The following ARHGAP24 variants were observed in gnomAD, a reference collection of about 807,000 sequenced individuals.
The protein encoded by ARHGAP24 is rho GTPase-activating protein 24.
Under a neutral mutation model 76.4 loss-of-function variants are expected in ARHGAP24, and 50 were observed. The observed-to-expected ratio is 0.65, with a 90% CI of 0.52 to 0.83. The LOEUF is 0.83. Among genes scored for constraint, ARHGAP24 ranks in the 40% least tolerant of loss-of-function variants. ARHGAP24 has a pLI of 0.00. For synonymous variants in ARHGAP24, 345 were observed against 323.3 expected (o/e 1.07, Z -0.72); for missense variants, 930 against 914.2 (o/e 1.02, Z -0.22).
intron 3 of ARHGAP24, among the ~76,000 whole-genome samples, chr4:85,803,244 G>A (rs1728650158): frequency 6.6e-6 from 1 of 152,138 alleles, no homozygotes; most frequent in Non-Finnish European, 1.5e-5. Flanking sequence ...CCATGTGTGA[G>A]AACAAAGACA....
chr4:85,496,431 ATGTT>A (rs1037910967), intron 1 of ARHGAP24, among the ~76,000 whole-genome samples: 5 of 152,374 alleles, frequency 3.3e-5, no homozygotes, highest in African/African-American at 4.8e-5. Flanking sequence ...TATGGTGGGA[ATGTT>A]TGTTTGTTTA....
At chr4:85,475,897 C>T (rs1722578323) in intron 1 of ARHGAP24, among the ~76,000 whole-genome samples, 1 of 151,830 alleles carries the variant, frequency 6.6e-6, no homozygotes. Context: ...AATTCAATTT[C>T]CTCTCTTGGT....
At chr4:85,680,510 C>G (rs1307878584) in intron 2 of ARHGAP24, among the ~76,000 whole-genome samples, 3 of 151,980 alleles carry the variant, frequency 2.0e-5, no homozygotes, top group African/African-American at 7.2e-5. Flanking sequence ...ACCGTGAGAT[C>G]ACAGACCCAG....
intron 1 of ARHGAP24, among the ~76,000 whole-genome samples, chr4:85,505,515 G>A (rs922766863): frequency 6.6e-6 from 1 of 151,858 alleles, no homozygotes; most frequent in Non-Finnish European, 1.5e-5. Flanking sequence ...CATCAAATTG[G>A]CTATTGAAGC....
intron 2 of ARHGAP24, among the ~76,000 whole-genome samples, chr4:85,655,780 T>TAGAG (rs1320106615): frequency 5.8e-5 from 2 of 34,654 alleles, no homozygotes; most frequent in African/African-American, 3.0e-4. Context: ...TATATATATA[T>TAGAG]ATATATATAT....
intron 3 of ARHGAP24, among the ~76,000 whole-genome samples, chr4:85,856,609 T>C (rs1560675434): frequency 6.6e-6 from 1 of 151,682 alleles, no homozygotes; most frequent in Non-Finnish European, 1.5e-5. Flanking sequence ...TAGCTGAGAT[T>C]ACAGGCATGC....
intron 1 of ARHGAP24, among the ~76,000 whole-genome samples, chr4:85,488,188 T>A (rs1160071074): frequency 6.6e-6 from 1 of 151,912 alleles, no homozygotes; most frequent in Non-Finnish European, 1.5e-5. Context: ...GCCACCTTGA[T>A]ATTTTCCACG....
chr4:85,850,815 G>T (rs345338), intron 3 of ARHGAP24, among the ~76,000 whole-genome samples: 1 of 152,210 alleles, frequency 6.6e-6, no homozygotes, highest in Non-Finnish European at 1.5e-5. Context: ...TCTGAGAGAC[G>T]GTTTGTTGTG....
At chr4:85,568,427 G>A (rs1254632929) in intron 1 of ARHGAP24, among the ~76,000 whole-genome samples, 1 of 152,168 alleles carries the variant, frequency 6.6e-6, no homozygotes. Context: ...AGCAAGTTGT[G>A]TAGATTTAAG....
intron 1 of ARHGAP24, among the ~76,000 whole-genome samples, chr4:85,485,836 G>A (rs1723029914): frequency 6.6e-6 from 1 of 151,182 alleles, no homozygotes; most frequent in Non-Finnish European, 1.5e-5. Flanking sequence ...AGGTTGAAAT[G>A]ATTCTCTTGC....
At chr4:85,701,191 G>A (rs1026084079) in intron 2 of ARHGAP24, among the ~76,000 whole-genome samples, 11 of 152,030 alleles carry the variant, frequency 7.2e-5, no homozygotes, top group Non-Finnish European at 1.5e-4. Flanking sequence ...TTCTTCTTGC[G>A]TATGGCCACA....
intron 2 of ARHGAP24, among the ~76,000 whole-genome samples, chr4:85,603,798 A>C (rs1044532250): frequency 8.5e-5 from 13 of 152,210 alleles, no homozygotes; most frequent in African/African-American, 2.9e-4. Flanking sequence ...ATGTGTCTGC[A>C]CAAAGTCAGG....
chr4:85,526,408 A>T (rs1724995622), intron 1 of ARHGAP24, among the ~76,000 whole-genome samples: 1 of 151,856 alleles, frequency 6.6e-6, no homozygotes, highest in African/African-American at 2.4e-5. Flanking sequence ...AAAAAAAAAA[A>T]AAAAGAAACA....
At chr4:85,976,291 A>G (rs972579654) in intron 7 of ARHGAP24, among the ~76,000 whole-genome samples, 3 of 152,194 alleles carry the variant, frequency 2.0e-5, no homozygotes, top group Non-Finnish European at 4.4e-5. Context: ...GGAAATAGGC[A>G]CCTTTTTTAA....
chr4:85,792,972 T>A (rs370356126), intron 3 of ARHGAP24, among the ~76,000 whole-genome samples: 8 of 152,114 alleles, frequency 5.3e-5, no homozygotes, highest in Admixed American at 4.6e-4. Context: ...TGAAATAGGG[T>A]AATATTTTTT....
chr4:85,708,694 G>T (rs528694123), intron 2 of ARHGAP24, among the ~76,000 whole-genome samples: 1 of 152,280 alleles, frequency 6.6e-6, no homozygotes, highest in Admixed American at 6.5e-5. Context: ...GGCGCACTCT[G>T]TTGGCATCCG....
At chr4:85,976,748 T>A (rs1375310739) in intron 7 of ARHGAP24, among the ~76,000 whole-genome samples, 4 of 151,508 alleles carry the variant, frequency 2.6e-5, no homozygotes, top group Admixed American at 6.6e-5. Flanking sequence ...TCATTAGAAC[T>A]GTGTTTTAAT....
At chr4:85,877,142 G>GTTACAAATT (rs1732982470) in intron 3 of ARHGAP24, among the ~76,000 whole-genome samples, 3 of 151,962 alleles carry the variant, frequency 2.0e-5, no homozygotes, top group African/African-American at 7.3e-5. Context: ...TACAAAATGG[G>GTTACAAATT]GTAGCTCTTT....
At chr4:85,869,894 G>A (rs1732426856) in intron 3 of ARHGAP24, among the ~76,000 whole-genome samples, 1 of 152,140 alleles carries the variant, frequency 6.6e-6, no homozygotes, top group African/African-American at 2.4e-5. Context: ...GCTTGAAGGT[G>A]AGGAGCTTGG....
Sources: gnomAD v4.1 joint callset for allele counts (sites outside exome capture counted in the v4.1 genomes callset) on GRCh38, gnomAD v4.1.1 for gene constraint, MANE v1.5 for transcripts, NCBI Gene and HGNC (gene_info 2026-07-23, HGNC 2026-07-21) for gene names.